RPS19: variants seen among roughly 807,000 people sequenced by gnomAD.
RPS19 encodes the protein small ribosomal subunit protein eS19.
A neutral mutation model predicts 20.3 loss-of-function variants in RPS19; 1 was observed. The ratio of observed to expected loss-of-function variants is 0.05; its 90% CI spans 0.02 to 0.23. The LOEUF (loss-of-function observed/expected upper bound fraction) is 0.23, where lower values mean the gene tolerates loss of function less well. Ranked by LOEUF, RPS19 falls within the 10% of genes least tolerant of loss-of-function variation. RPS19 has a pLI of 1.00. For missense variants in RPS19, 111 were observed against 192.7 expected (o/e 0.58, Z 2.51); for synonymous variants, 87 against 74.8 (o/e 1.16, Z -0.84).
chr19:41,867,578 G>C (rs202166438), intron 3 of RPS19, among the ~76,000 whole-genome samples: 3 of 152,174 alleles, frequency 2.0e-5, no homozygotes, highest in Non-Finnish European at 2.9e-5. Context: ...TCCCAAAGTG[G>C]TGGGATTACA....
chr19:41,869,652 C>A (rs375383178), intron 4 of RPS19, 47 bp from the exon 5 acceptor site: 1 of 1,601,980 alleles, frequency 6.2e-7, no homozygotes, highest in Non-Finnish European at 8.5e-7. Flanking sequence ...GGGCTGAGAA[C>A]AGGACCTGTG....
intron 3 of RPS19, chr19:41,861,516 C>T (rs1374257432): frequency 1.7e-5 from 7 of 403,552 alleles, no homozygotes; most frequent in Admixed American, 3.6e-5. Flanking sequence ...GAGGCAGACT[C>T]CCTGGGTTTG....
At chr19:41,867,744 G>A (rs1478651161) in intron 3 of RPS19, among the ~76,000 whole-genome samples, 1 of 151,984 alleles carries the variant, frequency 6.6e-6, no homozygotes, top group African/African-American at 2.4e-5. Context: ...GTTCGAGGCT[G>A]CAGTGAGCTA....
intron 3 of RPS19, among the ~76,000 whole-genome samples, chr19:41,866,717 T>C (rs1384051401): frequency 6.6e-6 from 1 of 152,134 alleles, no homozygotes; most frequent in Admixed American, 6.5e-5. Context: ...TATAAAATGG[T>C]GTAATATCGG....
At chr19:41,871,310 AC>A in intron 5 of RPS19, 40 bp from the exon 6 acceptor site, 1 of 1,608,244 alleles carries the variant, frequency 6.2e-7, no homozygotes, top group Non-Finnish European at 8.5e-7. Context: ...CCCAGCAGAG[AC>A]CCCCTTGACT....
Position 41,869,747 on chromosome 19 carries a change from C to T in RPS19, c.405C>T (p.Ala135=), listed in dbSNP as rs550819306. ...PQGQRDLDRI[A]GQVAAANKKH is the part of the protein sequence containing the mutation. ...GACAAAGAGATCTGGACAGAATCGC[C>T]GGACAGGTAAGGCCTGCGTTTGGGG... The change falls in exon 5 of 6, where the codon GCC becomes GCT. Residue 135 remains alanine (A), a synonymous_variant. Coordinates refer to ENST00000598742, the MANE Select transcript of RPS19 (RefSeq NM_001022.4). 20 of 1,614,134 alleles carry T rather than the reference C, an allele frequency of 1.2e-5. No homozygotes were observed. Among genetic ancestry groups the T allele is most frequent in the East Asian group, 6.7e-5 (3 of 44,878 alleles).
rs2074145989 is a variant in RPS19, at chr19:41,871,209, C to T, written c.412-142C>T. The stretch of plus-strand genomic sequence containing the variant: ...CACGTCTGTGAAATGGGGGAATACC[C>T]ACAGTGAGAATTAGATGAGATAGAT... On this transcript the variant is annotated intron_variant, in intron 5 of 5. Coordinates refer to ENST00000598742, the MANE Select transcript of RPS19 (RefSeq NM_001022.4). 7 of 787,206 alleles carry T rather than the reference C, an allele frequency of 8.9e-6. No homozygotes were observed. In the East Asian group the frequency reaches 1.5e-4, roughly 17 times the overall value. The allele number at this position is 787,206 out of a possible 1,614,324, so 48.8% of individuals were successfully genotyped here.
In RPS19 at chr19:41,869,765, G is replaced by C. The variant is rs61762296; in HGVS notation, c.411+12G>C. ...GAATCGCCGGACAGGTAAGGCCTGCGTTTGGGGTGGGGCTGGGTCCCTTAG... is the reference window on the plus strand; with the variant it reads ...GAATCGCCGGACAGGTAAGGCCTGCCTTTGGGGTGGGGCTGGGTCCCTTAG... On this transcript the variant is annotated intron_variant, in intron 5 of 5. Transcript: ENST00000598742. The C allele has an allele frequency of 1.9e-6, 3 of 1,613,930 alleles. No homozygotes were observed. Among genetic ancestry groups the C allele is most frequent in the Non-Finnish European group, 2.5e-6 (3 of 1,179,844 alleles).
chr19:41,870,848 C>CTTTTTTTTTTTTT lies in RPS19; in HGVS notation c.412-503_412-502insTTTTTTTTTTTTT, dbSNP rs2074139987. ...TTGGACTCCACTCCGCCACTCCCTT[C>CTTTTTTTTTTTTT]CTTTTTTTTTTTTTTTTTTTTTTTT... is the stretch of plus-strand genomic sequence containing the variant. On this transcript the variant is annotated intron_variant, in intron 5 of 5. Transcript: ENST00000598742. Among the ~76,000 whole-genome samples, 13 of 85,762 alleles carry CTTTTTTTTTTTTT rather than the reference C, an allele frequency of 1.5e-4. 4 individuals are homozygous for CTTTTTTTTTTTTT. The highest frequency in any genetic ancestry group is 1.8e-4 in the African/African-American group (4 of 22,538). 56.3% of individuals were successfully genotyped at this position (85,762 alleles called of 152,430 possible).
chr19:41,870,147 C>T (rs912099529), intron 5 of RPS19, among the ~76,000 whole-genome samples: 1 of 151,880 alleles, frequency 6.6e-6, no homozygotes, highest in African/African-American at 2.4e-5. Flanking sequence ...GAGGCTGAGG[C>T]ACAAAAATCA....
Position 41,860,759 on chromosome 19 carries a change from T to G in RPS19, c.1-16T>G. The G allele has an allele frequency of 1.2e-6, 2 of 1,608,004 alleles. No individual in the cohort carries two copies. Among genetic ancestry groups the G allele is most frequent in the Non-Finnish European group, 1.7e-6 (2 of 1,174,406 alleles). ...TCTGCCAGGCCTGTGTTCACATGCTTGACTTTCTCCCTCAGATGCCTGGAG... is the reference window on the plus strand; with the variant it reads ...TCTGCCAGGCCTGTGTTCACATGCTGGACTTTCTCCCTCAGATGCCTGGAG... On this transcript the variant is annotated splice_polypyrimidine_tract_variant and intron_variant, in intron 1 of 5. Coordinates refer to ENST00000598742, the MANE Select transcript of RPS19 (RefSeq NM_001022.4).
At chr19:41,860,457 C>T (rs1243365976) in intron 1 of RPS19, 168 bp downstream of exon 1, 2 of 412,464 alleles carry the variant, frequency 4.8e-6, no homozygotes, top group Non-Finnish European at 9.1e-6. Context: ...TCAGCGCCGT[C>T]CGGGAACCGA....
At chr19:41,865,571 G>A (rs1405654720) in intron 3 of RPS19, among the ~76,000 whole-genome samples, 1 of 152,140 alleles carries the variant, frequency 6.6e-6, no homozygotes, top group Non-Finnish European at 1.5e-5. Flanking sequence ...AACCCAACAA[G>A]ACTGAGGTTG....
At chr19:41,860,653 G>A (rs1055896961) in intron 1 of RPS19, 122 bp from the exon 2 acceptor site, 5 of 826,060 alleles carry the variant, frequency 6.1e-6, no homozygotes, top group Admixed American at 5.1e-5. Context: ...AAGGGGCCGT[G>A]GGAAGTAACG....
chr19:41,861,620 C>T (rs954126550), intron 3 of RPS19: 1 of 333,898 alleles, frequency 3.0e-6, no homozygotes, highest in East Asian at 7.8e-5. Context: ...AATTATTGTA[C>T]CAGTACTAGA....
chr19:41,866,973 C>T (rs1184462226), intron 3 of RPS19, among the ~76,000 whole-genome samples: 8 of 151,480 alleles, frequency 5.3e-5, no homozygotes, highest in African/African-American at 1.7e-4. Flanking sequence ...ACCGAGATTG[C>T]GCCACTGCAC....
chr19:41,862,251 G>A (rs1281126100), intron 3 of RPS19, among the ~76,000 whole-genome samples: 2 of 152,156 alleles, frequency 1.3e-5, no homozygotes, highest in Non-Finnish European at 2.9e-5. Flanking sequence ...GTACACTTGT[G>A]CCTCAAATGT....
At position 41,869,769 on chromosome 19, in the gene RPS19, G is replaced by C. The variant is rs782664193; in HGVS notation, c.411+16G>C. On this transcript the variant is annotated intron_variant, in intron 5 of 5. Coordinates refer to ENST00000598742, the MANE Select transcript of RPS19 (RefSeq NM_001022.4). ...CGCCGGACAGGTAAGGCCTGCGTTT[G>C]GGGTGGGGCTGGGTCCCTTAGTCGC... 2.5e-5 allele frequency: 41 copies of C among 1,613,494 alleles called. No individual in the cohort carries two copies. The highest frequency in any genetic ancestry group is 3.4e-5 in the Non-Finnish European group (40 of 1,179,514).
chr19:41,869,957 G>GCT (rs2074129757), intron 5 of RPS19, among the ~76,000 whole-genome samples: 1 of 152,170 alleles, frequency 6.6e-6, no homozygotes, highest in Non-Finnish European at 1.5e-5. Context: ...GAAATTTGGA[G>GCT]GCAGGCTGGC....
Sources: gnomAD v4.1 joint callset for allele counts (sites outside exome capture counted in the v4.1 genomes callset) on GRCh38, gnomAD v4.1.1 for gene constraint, MANE v1.5 for transcripts, NCBI Gene and HGNC (gene_info 2026-07-23, HGNC 2026-07-21) for gene names.